Variants in PPFIA2 observed in about 807,000 individuals in gnomAD.
PPFIA2 encodes the protein liprin-alpha-2.
A neutral mutation model predicts 175.5 loss-of-function variants in PPFIA2; 46 were observed. The ratio of observed to expected loss-of-function variants is 0.26; its 90% confidence interval spans 0.21 to 0.34. PPFIA2 has a LOEUF of 0.34. Ranked by LOEUF, PPFIA2 falls within the 10% of genes least tolerant of loss-of-function variation. The probability of loss-of-function intolerance (pLI) is 1.00; values close to 1 mark genes in which losing one functional copy is unlikely to be tolerated. For missense variants in PPFIA2, 1,179 were observed against 1,506.1 expected (o/e 0.78, Z 3.60); for synonymous variants, 568 against 511.4 (o/e 1.11, Z -1.49).
intron 20 of PPFIA2, 150 bp from the exon 21 acceptor site, chr12:81,339,484 G>T: frequency 1.6e-6 from 1 of 642,108 alleles, no homozygotes; most frequent in Non-Finnish European, 2.2e-6. Flanking sequence ...GATATTAAAT[G>T]CAGTTTTTTT....
intron 4 of PPFIA2, among the ~76,000 whole-genome samples, chr12:81,508,300 T>A (rs1390947928): frequency 6.6e-6 from 1 of 151,902 alleles, no homozygotes; most frequent in Non-Finnish European, 1.5e-5. Context: ...GGTGGGTGGA[T>A]CACCTGAGGT....
chr12:81,655,630 G>A (rs1164157231), intron 4 of PPFIA2, among the ~76,000 whole-genome samples: 1 of 151,736 alleles, frequency 6.6e-6, no homozygotes, highest in African/African-American at 2.4e-5. Context: ...TTCATGTTTA[G>A]TGTTAACTAC....
intron 8 of PPFIA2, among the ~76,000 whole-genome samples, chr12:81,391,756 T>C (rs1595977113): frequency 6.6e-6 from 1 of 151,892 alleles, no homozygotes; most frequent in Non-Finnish European, 1.5e-5. Flanking sequence ...GAATTGATAA[T>C]GAAAAGAAAG....
At chr12:81,610,114 G>A (rs1020154396) in intron 4 of PPFIA2, among the ~76,000 whole-genome samples, 6 of 152,064 alleles carry the variant, frequency 3.9e-5, no homozygotes, top group African/African-American at 1.2e-4. Flanking sequence ...CCGGCAAGTA[G>A]GATTTCTGCT....
intron 18 of PPFIA2, among the ~76,000 whole-genome samples, chr12:81,345,357 T>G (rs2058872301): frequency 6.6e-6 from 1 of 152,142 alleles, no homozygotes. Context: ...TTTAAATATT[T>G]CTTTACTCTT....
intron 8 of PPFIA2, among the ~76,000 whole-genome samples, chr12:81,402,400 G>C (rs887311871): frequency 2.0e-5 from 3 of 151,904 alleles, no homozygotes; most frequent in African/African-American, 4.8e-5. Flanking sequence ...CTTGTTTTAT[G>C]GCATTAATAT....
intron 22 of PPFIA2, among the ~76,000 whole-genome samples, chr12:81,317,403 TAGCTTA>T (rs1420262301): frequency 6.6e-6 from 1 of 151,542 alleles, no homozygotes; most frequent in Admixed American, 6.6e-5. Flanking sequence ...TAGGTCTGTT[TAGCTTA>T]AGCGTGACTA....
chr12:81,339,061 G>A (rs2057598048), intron 21 of PPFIA2, 119 bp downstream of exon 21: 2 of 949,442 alleles, frequency 2.1e-6, no homozygotes, highest in South Asian at 2.6e-5. Flanking sequence ...TATAAATTTT[G>A]TCAGGTAGAA....
chr12:81,597,744 ATT>A (rs5799543), intron 4 of PPFIA2, among the ~76,000 whole-genome samples: 40 of 150,698 alleles, frequency 2.7e-4, no homozygotes, highest in South Asian at 4.2e-4. Flanking sequence ...TGTGTTCACT[ATT>A]TTTTTTTTTA....
At chr12:81,618,265 G>C (rs1386229309) in intron 4 of PPFIA2, among the ~76,000 whole-genome samples, 1 of 151,760 alleles carries the variant, frequency 6.6e-6, no homozygotes, top group East Asian at 1.9e-4. Context: ...GTGTGTGTGT[G>C]TGTGTGTGTG....
At chr12:81,290,862 C>A (rs1220871427) in intron 24 of PPFIA2, among the ~76,000 whole-genome samples, 1 of 151,748 alleles carries the variant, frequency 6.6e-6, no homozygotes, top group Non-Finnish European at 1.5e-5. Context: ...ATTTTACACA[C>A]AACAACAAAT....
intron 4 of PPFIA2, among the ~76,000 whole-genome samples, chr12:81,628,259 G>T (rs1033200678): frequency 1.2e-4 from 18 of 151,884 alleles, no homozygotes; most frequent in Admixed American, 1.2e-3. Flanking sequence ...AATACAATCA[G>T]GCATTTAAGG....
rs545929741 is a variant in PPFIA2, at chr12:81,261,901, C to T, written c.*33+48G>A. On this transcript the variant is annotated intron_variant, in intron 32 of 32. Transcript: ENST00000549396. The stretch of plus-strand genomic sequence containing the variant: ...GTATATTTATTAGTCTATGTAGGTT[C>T]CATTTTTTTGTCTTTTTTTTTTTGT... 8.6e-5 allele frequency: 111 copies of T among 1,295,550 alleles called. 1 individual carries two copies. In the South Asian group the frequency reaches 1.4e-3, roughly 16 times the overall value. The allele number at this position is 1,295,550 out of a possible 1,614,324, so 80.3% of individuals were successfully genotyped here. A position where few individuals can be genotyped will look rare whatever the true frequency, so the allele number is the denominator to read the frequency against.
chr12:81,354,099 G>T (rs1421907909), intron 16 of PPFIA2, among the ~76,000 whole-genome samples: 1 of 152,182 alleles, frequency 6.6e-6, no homozygotes, highest in Non-Finnish European at 1.5e-5. Flanking sequence ...GCTGGTGGAA[G>T]GTCTTGCCTT....
intron 4 of PPFIA2, among the ~76,000 whole-genome samples, chr12:81,478,360 C>T (rs1205558750): frequency 6.6e-6 from 1 of 151,958 alleles, no homozygotes; most frequent in Non-Finnish European, 1.5e-5. Context: ...TTCAAAAAAC[C>T]ACATTCTGGA....
chr12:81,339,074 G>C (rs989038748), intron 21 of PPFIA2, 106 bp downstream of exon 21: 9 of 1,088,176 alleles, frequency 8.3e-6, no homozygotes, highest in Admixed American at 2.9e-5. Flanking sequence ...AGGTAGAAAA[G>C]AGAAGAAATG....
At chr12:81,733,559 G>C (rs751030795) in intron 3 of PPFIA2, among the ~76,000 whole-genome samples, 23 of 151,636 alleles carry the variant, frequency 1.5e-4, no homozygotes, top group Middle Eastern at 6.8e-3. Flanking sequence ...GTGAGAATAG[G>C]AAACATACTT....
chr12:81,452,374 T>C (rs2052747776), intron 5 of PPFIA2, among the ~76,000 whole-genome samples: 2 of 152,206 alleles, frequency 1.3e-5, no homozygotes, highest in African/African-American at 2.4e-5. Flanking sequence ...TATGGTCATA[T>C]AGCATGACAT....
chr12:81,468,968 T>C (rs1286354214), intron 4 of PPFIA2, among the ~76,000 whole-genome samples: 1 of 152,106 alleles, frequency 6.6e-6, no homozygotes. Context: ...GGAAAGACTC[T>C]TCTAGCCACT....
Sources: gnomAD v4.1 joint callset for allele counts (sites outside exome capture counted in the v4.1 genomes callset) on GRCh38, gnomAD v4.1.1 for gene constraint, MANE v1.5 for transcripts, NCBI Gene and HGNC (gene_info 2026-07-23, HGNC 2026-07-21) for gene names.